The following XKR9 variants were observed in gnomAD, a reference collection of about 807,000 sequenced individuals.
XKR9 encodes XK related 9, also known as XK-related protein 9.
In XKR9, 32 loss-of-function variants were observed where a neutral mutation model predicts 32.0. That is an observed-to-expected ratio of 1.00 (90% CI 0.76 to 1.34). The LOEUF (loss-of-function observed/expected upper bound fraction) is 1.34, where lower values mean the gene tolerates loss of function less well. Ranked by LOEUF, XKR9 falls within the 40% of genes most tolerant of loss-of-function variation. The pLI, the probability that XKR9 is intolerant of heterozygous loss-of-function variation, is 0.00. For missense variants in XKR9, 546 were observed against 429.7 expected (o/e 1.27, Z -2.39); for synonymous variants, 168 against 143.4 (o/e 1.17, Z -1.22).
chr8:71,049,644 G>A, the XKR9 span, among the ~76,000 whole-genome samples: 1 of 152,200 alleles, frequency 6.6e-6, no homozygotes. Flanking sequence ...GAGAAGAATG[G>A]AAGTCAGAAG....
the XKR9 span, among the ~76,000 whole-genome samples, chr8:70,867,030 C>T: frequency 6.6e-6 from 1 of 152,078 alleles, no homozygotes; most frequent in African/African-American, 2.4e-5. Flanking sequence ...TTTCACGCTG[C>T]TGATAAAGAC....
chr8:70,924,726 T>C, the XKR9 span, among the ~76,000 whole-genome samples: 2 of 152,180 alleles, frequency 1.3e-5, no homozygotes, highest in Non-Finnish European at 2.9e-5. Context: ...CTCATTAAAC[T>C]CACAAAAGTT....
the XKR9 span, among the ~76,000 whole-genome samples, chr8:70,858,558 C>T: frequency 2.0e-5 from 3 of 152,142 alleles, no homozygotes; most frequent in East Asian, 5.8e-4. Flanking sequence ...CAAAGCAATC[C>T]TGAGCAAAAA....
intron 2 of XKR9, among the ~76,000 whole-genome samples, chr8:70,771,332 T>C (rs1365327154): frequency 6.6e-6 from 1 of 152,222 alleles, no homozygotes; most frequent in African/African-American, 2.4e-5. Context: ...CTCTGGGAGC[T>C]GCAGACTGGA....
chr8:70,994,309 TCA>T, the XKR9 span, among the ~76,000 whole-genome samples: 1 of 152,174 alleles, frequency 6.6e-6, no homozygotes, highest in East Asian at 1.9e-4. Flanking sequence ...ATGAATTCTC[TCA>T]GTTTTTGTTT....
intron 3 of XKR9, among the ~76,000 whole-genome samples, chr8:70,706,562 C>A (rs1805723877): frequency 6.6e-6 from 1 of 151,998 alleles, no homozygotes; most frequent in Admixed American, 6.6e-5. Flanking sequence ...GGGTTTGGAC[C>A]CTGTGTCTAC....
the XKR9 span, among the ~76,000 whole-genome samples, chr8:70,958,457 T>A: frequency 6.6e-6 from 1 of 152,236 alleles, no homozygotes; most frequent in Non-Finnish European, 1.5e-5. Context: ...TGATCAGTGA[T>A]GTTGATCTTT....
chr8:70,797,832 G>A, the XKR9 span, among the ~76,000 whole-genome samples: 16,479 of 152,104 alleles, frequency 0.11, 1,025 homozygotes, highest in African/African-American at 0.17. Context: ...ACATTAGTTT[G>A]CTTAGGACAA....
chr8:71,015,571 G>C, the XKR9 span, among the ~76,000 whole-genome samples: 2 of 152,088 alleles, frequency 1.3e-5, no homozygotes, highest in South Asian at 4.2e-4. Flanking sequence ...ATGGCCTATA[G>C]TAACAAAAGC....
the XKR9 span, among the ~76,000 whole-genome samples, chr8:70,902,140 T>A: frequency 1.3e-5 from 2 of 152,232 alleles, no homozygotes; most frequent in African/African-American, 2.4e-5. Context: ...ATGTGGGCTC[T>A]TTTTTGGTTC....
the XKR9 span, among the ~76,000 whole-genome samples, chr8:70,884,942 C>A: frequency 6.6e-6 from 1 of 152,174 alleles, no homozygotes; most frequent in Non-Finnish European, 1.5e-5. Context: ...ATTGTGATTG[C>A]ATTAAATCTA....
At chr8:71,040,094 G>T in the XKR9 span, among the ~76,000 whole-genome samples, 8 of 152,196 alleles carry the variant, frequency 5.3e-5, no homozygotes, top group Admixed American at 3.3e-4. Context: ...TAGGATTTAC[G>T]CATTTCTCCG....
At chr8:70,956,861 G>T in the XKR9 span, among the ~76,000 whole-genome samples, 1 of 152,174 alleles carries the variant, frequency 6.6e-6, no homozygotes, top group Non-Finnish European at 1.5e-5. Context: ...GGGTCAGGGG[G>T]CTTCTAGGGC....
the XKR9 span, among the ~76,000 whole-genome samples, chr8:70,982,295 A>G: frequency 6.6e-6 from 1 of 152,206 alleles, no homozygotes; most frequent in Non-Finnish European, 1.5e-5. Context: ...GAGTAGAGAA[A>G]GACCACCAGG....
intron 2 of XKR9, among the ~76,000 whole-genome samples, chr8:70,756,868 C>A (rs1163149678): frequency 6.6e-6 from 1 of 152,060 alleles, no homozygotes; most frequent in Admixed American, 6.6e-5. Context: ...ATGGCTAGAT[C>A]CTCAGTATAA....
chr8:70,858,447 C>G, the XKR9 span, among the ~76,000 whole-genome samples: 1 of 151,828 alleles, frequency 6.6e-6, no homozygotes, highest in South Asian at 2.1e-4. Context: ...CTGCAAACCA[C>G]CACTCAATGA....
chr8:71,018,842 T>A, the XKR9 span, among the ~76,000 whole-genome samples: 1 of 152,232 alleles, frequency 6.6e-6, no homozygotes, highest in Non-Finnish European at 1.5e-5. Context: ...AAAAGTTAAT[T>A]CAAAAATCCT....
the XKR9 span, among the ~76,000 whole-genome samples, chr8:70,946,626 C>A: frequency 6.6e-6 from 1 of 152,160 alleles, no homozygotes; most frequent in Non-Finnish European, 1.5e-5. Context: ...GACTGTAAAG[C>A]CCCTGTTCCT....
At chr8:70,733,603 T>A (rs1806744410) in intron 4 of XKR9, among the ~76,000 whole-genome samples, 193 bp from the exon 5 acceptor site, 1 of 152,008 alleles carries the variant, frequency 6.6e-6, no homozygotes, top group South Asian at 2.1e-4. Flanking sequence ...GCAACTTGGG[T>A]CAAGCAGTGT....
Sources: allele counts gnomAD v4.1 joint callset (sites outside exome capture counted in the v4.1 genomes callset), GRCh38; gene constraint gnomAD v4.1.1; transcripts MANE v1.5; gene names NCBI Gene and HGNC (gene_info 2026-07-23, HGNC 2026-07-21).